Variants in TECPR2 observed in about 807,000 individuals in gnomAD.
TECPR2 encodes the protein tectonin beta-propeller repeat containing 2.
TECPR2 carries 65 observed loss-of-function variants against 138.1 expected under a neutral mutation model. That is an observed-to-expected ratio of 0.47 (90% confidence interval 0.39 to 0.58). TECPR2 has a LOEUF of 0.58. Ranked by LOEUF, TECPR2 falls within the 20% of genes least tolerant of loss-of-function variation. The pLI is 0.00. For missense variants in TECPR2, 1,553 were observed against 1,824.5 expected, an observed-to-expected ratio of 0.85 and a Z score of 2.71; for synonymous variants, 746 against 749.8, an observed-to-expected ratio of 0.99 and a Z score of 0.08.
Position 102,492,638 on chromosome 14 carries a change from ACG to A in TECPR2, c.3790-4340_3790-4339del, listed in dbSNP as rs1279351078. The stretch of plus-strand genomic sequence containing the variant: ...ATCGGGCTGGGCTGGAGCTGGGCAG[ACG>A]TGGCCTCCTCCTGCAGGGAGCTCCC... On this transcript the variant is annotated intron_variant, in intron 17 of 19. Coordinates refer to ENST00000359520, the MANE Select transcript of TECPR2 (RefSeq NM_014844.5). 2.0e-5 allele frequency among the ~76,000 whole-genome samples: 3 copies of A among 152,220 alleles called. No homozygotes were observed. In the East Asian group the frequency reaches 5.8e-4, roughly 29 times the overall value.
chr14:102,461,650 C>G (rs899658748), intron 16 of TECPR2, among the ~76,000 whole-genome samples: 1 of 152,232 alleles, frequency 6.6e-6, no homozygotes, highest in African/African-American at 2.4e-5. Flanking sequence ...AACCGTGGCC[C>G]CCGCTCCACG....
intron 16 of TECPR2, among the ~76,000 whole-genome samples, chr14:102,457,713 C>T (rs2139762405): frequency 6.6e-6 from 1 of 152,190 alleles, no homozygotes; most frequent in African/African-American, 2.4e-5. Flanking sequence ...AAGACCCCAT[C>T]TCTAAAAATA....
intron 17 of TECPR2, among the ~76,000 whole-genome samples, chr14:102,486,592 A>G (rs1707285010): frequency 6.6e-6 from 1 of 152,204 alleles, no homozygotes. Flanking sequence ...CTGCAAGGCC[A>G]GGGCCCCACA....
chr14:102,465,418 G>C (rs1890532509), intron 17 of TECPR2, 129 bp downstream of exon 17: 1 of 1,443,034 alleles, frequency 6.9e-7, no homozygotes, highest in African/African-American at 1.4e-5. Context: ...CATGCCCCCA[G>C]GGTCTACACA....
chr14:102,493,868 T>C (rs1891213878), intron 17 of TECPR2, among the ~76,000 whole-genome samples: 1 of 152,254 alleles, frequency 6.6e-6, no homozygotes, highest in Non-Finnish European at 1.5e-5. Context: ...AATGCCGCTC[T>C]GCTTTAAGCT....
At chr14:102,465,310 G>A (rs766324987) in intron 17 of TECPR2, 21 bp downstream of exon 17, 12 of 1,611,556 alleles carry the variant, frequency 7.4e-6, no homozygotes, top group Non-Finnish European at 8.5e-6. Flanking sequence ...GTTAGCTGGT[G>A]GAACTCACTC....
At chr14:102,476,990 C>G (rs891028307) in intron 17 of TECPR2, among the ~76,000 whole-genome samples, 1 of 152,136 alleles carries the variant, frequency 6.6e-6, no homozygotes, top group Non-Finnish European at 1.5e-5. Flanking sequence ...CTGCAGTGAG[C>G]CATGATGGCT....
chr14:102,468,492 A>T (rs958286998), intron 17 of TECPR2, among the ~76,000 whole-genome samples: 4 of 152,108 alleles, frequency 2.6e-5, no homozygotes, highest in African/African-American at 9.7e-5. Context: ...CAGCCTGTTG[A>T]GTTTTATATA....
intron 2 of TECPR2, among the ~76,000 whole-genome samples, chr14:102,383,305 G>A (rs900766071): frequency 2.0e-5 from 3 of 152,106 alleles, no homozygotes; most frequent in Non-Finnish European, 1.5e-5. Flanking sequence ...GTTTATATGC[G>A]TTAGCGGAAT....
intron 4 of TECPR2, among the ~76,000 whole-genome samples, chr14:102,411,304 CCCAAG>C (rs1233649908): frequency 2.6e-5 from 4 of 151,918 alleles, no homozygotes; most frequent in African/African-American, 9.7e-5. Context: ...GGCCTCTGAG[CCCAAG>C]CCAAGCCATC....
At chr14:102,483,865 G>C (rs1463180094) in intron 17 of TECPR2, among the ~76,000 whole-genome samples, 1 of 139,426 alleles carries the variant, frequency 7.2e-6, no homozygotes. Context: ...GGCGCAATCT[G>C]GGCTCACTAC....
intron 5 of TECPR2, among the ~76,000 whole-genome samples, chr14:102,418,774 C>A (rs1279018809): frequency 6.6e-6 from 1 of 152,158 alleles, no homozygotes; most frequent in Non-Finnish European, 1.5e-5. Flanking sequence ...TAGGAGAAGA[C>A]AGGATGGGGC....
At chr14:102,477,934 CAAAAAAAAAA>C (rs1188082616) in intron 17 of TECPR2, among the ~76,000 whole-genome samples, 3 of 44,636 alleles carry the variant, frequency 6.7e-5, no homozygotes, top group South Asian at 1.3e-3. Context: ...GACTCCGTCT[CAAAAAAAAAA>C]AAAAAAAAAA....
At chr14:102,464,566 G>A (rs1239258368) in intron 16 of TECPR2, among the ~76,000 whole-genome samples, 3 of 151,930 alleles carry the variant, frequency 2.0e-5, no homozygotes, top group African/African-American at 7.3e-5. Context: ...TGTGTATTTT[G>A]TAGAGACAGG....
intron 2 of TECPR2, among the ~76,000 whole-genome samples, chr14:102,378,797 G>A (rs1440623763): frequency 6.6e-6 from 1 of 152,024 alleles, no homozygotes; most frequent in African/African-American, 2.4e-5. Flanking sequence ...GCTAATTTTT[G>A]TATTTTTAGT....
rs957632758 is a variant in TECPR2 at position 102,443,447 on chromosome 14, T to C, written c.2753-200T>C. Among the ~76,000 whole-genome samples, 1 of 152,078 alleles carries C rather than the reference T, an allele frequency of 6.6e-6. No homozygotes were observed. Among genetic ancestry groups the C allele is most frequent in the Non-Finnish European group, 1.5e-5 (1 of 68,012 alleles). On this transcript the variant is annotated intron_variant, in intron 11 of 19. Coordinates refer to ENST00000359520, the MANE Select transcript of TECPR2 (RefSeq NM_014844.5). The surrounding 1 kb of genome is among the most constrained non-coding windows in gnomAD (Gnocchi z 4.9). ...GGGAGGATCTCTTGAGCCCAGGAGTTTGAGATCAGCCTGGGCAACGTAGAA... is the reference window on the plus strand; with the variant it reads ...GGGAGGATCTCTTGAGCCCAGGAGTCTGAGATCAGCCTGGGCAACGTAGAA...
intron 17 of TECPR2, among the ~76,000 whole-genome samples, chr14:102,472,570 G>A (rs1028357031): frequency 5.3e-5 from 8 of 152,196 alleles, no homozygotes; most frequent in Non-Finnish European, 8.8e-5. Flanking sequence ...AGCATGCTAT[G>A]GAAGACATTC....
chr14:102,434,613 A>G lies in TECPR2; in HGVS notation c.1796A>G (p.Asp599Gly). The change falls in exon 9 of 20, where the codon GAT becomes GGT. Residue 599 changes from aspartate (D) to glycine (G), a missense_variant. Asp to Gly is a moderately conservative substitution (Grantham distance 94). Transcript: ENST00000359520. ...GGCAGTGATGTCACGGGACTCGGAG[A>G]TGAGCCGTGTCCTGCAGATGATGGA... ...VGGSDVTGLG[D>G]EPCPADDGPN... 1 of 1,578,354 alleles carries G rather than the reference A, an allele frequency of 6.3e-7. No homozygotes were observed. The highest frequency in any genetic ancestry group is 8.6e-7 in the Non-Finnish European group (1 of 1,157,788).
chr14:102,397,606 G>A (rs1381913920), intron 2 of TECPR2, among the ~76,000 whole-genome samples: 1 of 152,086 alleles, frequency 6.6e-6, no homozygotes, highest in African/African-American at 2.4e-5. Flanking sequence ...AACTAGCTGG[G>A]TGTGGTGGTG....
Sources: allele counts gnomAD v4.1 joint callset (sites outside exome capture counted in the v4.1 genomes callset), GRCh38; gene constraint gnomAD v4.1.1; non-coding constraint Gnocchi (gnomAD v3.1); transcripts MANE v1.5; gene names NCBI Gene and HGNC (gene_info 2026-07-23, HGNC 2026-07-21).